The following ENTREP1 variants were observed in gnomAD, a reference collection of about 807,000 sequenced individuals.
ENTREP1 encodes the protein Friedreich ataxia region gene X123.
chr9:69,377,533 C>A, the ENTREP1 span: 1 of 1,608,244 alleles, frequency 6.2e-7, no homozygotes, highest in Non-Finnish European at 8.5e-7. Context: ...CCCATGGACC[C>A]CTTCGTGTCA....
the ENTREP1 span, among the ~76,000 whole-genome samples, chr9:69,340,666 C>CATGTGTGTGTGCATAT: frequency 1.8e-5 from 2 of 108,650 alleles, no homozygotes; most frequent in Non-Finnish European, 3.7e-5. Flanking sequence ...TGTGTGTGTG[C>CATGTGTGTGTGCATAT]GTGTGTGTGT....
At chr9:69,328,467 T>C in the ENTREP1 span, among the ~76,000 whole-genome samples, 1 of 152,146 alleles carries the variant, frequency 6.6e-6, no homozygotes, top group African/African-American at 2.4e-5. Flanking sequence ...CATTTTACCC[T>C]TCACCCAGTA....
the ENTREP1 span, chr9:69,385,986 T>C: frequency 6.4e-7 from 1 of 1,552,360 alleles, no homozygotes; most frequent in African/African-American, 1.4e-5. Flanking sequence ...GGCTGTGTGC[T>C]TATTTGCCTA....
At chr9:69,368,536 T>C in the ENTREP1 span, among the ~76,000 whole-genome samples, 2 of 152,204 alleles carry the variant, frequency 1.3e-5, no homozygotes, top group African/African-American at 4.8e-5. Context: ...TTTGATGTGC[T>C]GTTAGATTCA....
At chr9:69,364,955 T>C in the ENTREP1 span, among the ~76,000 whole-genome samples, 1 of 152,138 alleles carries the variant, frequency 6.6e-6, no homozygotes, top group African/African-American at 2.4e-5. Context: ...AAATGAAGCC[T>C]ACCAGGCAGT....
the ENTREP1 span, chr9:69,375,664 G>T: frequency 3.3e-6 from 4 of 1,211,870 alleles, no homozygotes; most frequent in Non-Finnish European, 2.4e-6. Context: ...TACAGGATTG[G>T]TGCTCCATGG....
At chr9:69,325,163 G>A in the ENTREP1 span, 2 of 1,039,160 alleles carry the variant, frequency 1.9e-6, no homozygotes, top group South Asian at 9.2e-5. Flanking sequence ...GCAGCAAGTG[G>A]TTGGGCCGTG....
the ENTREP1 span, among the ~76,000 whole-genome samples, chr9:69,376,680 G>A: frequency 6.6e-6 from 1 of 152,200 alleles, no homozygotes; most frequent in African/African-American, 2.4e-5. Flanking sequence ...TGTGGGATGT[G>A]GAAATGGCCT....
chr9:69,364,776 A>C, the ENTREP1 span, among the ~76,000 whole-genome samples: 2 of 152,210 alleles, frequency 1.3e-5, no homozygotes, highest in Non-Finnish European at 2.9e-5. Context: ...TTAATAACAT[A>C]ATAGTAAAGT....
At chr9:69,368,984 A>G in the ENTREP1 span, among the ~76,000 whole-genome samples, 1 of 151,754 alleles carries the variant, frequency 6.6e-6, no homozygotes, top group Non-Finnish European at 1.5e-5. Context: ...CCTCCCCAGG[A>G]CCCCACCCTC....
the ENTREP1 span, among the ~76,000 whole-genome samples, chr9:69,367,648 T>TATATATAAATATATATATACACAC: frequency 1.2e-4 from 12 of 96,358 alleles, 1 homozygote; most frequent in South Asian, 4.0e-4. Context: ...TATACACACA[T>TATATATAAATATATATATACACAC]ATATATAAAT....
the ENTREP1 span, chr9:69,329,337 T>A: frequency 1.0e-6 from 1 of 958,810 alleles, no homozygotes; most frequent in Non-Finnish European, 1.2e-6. Flanking sequence ...TTATTTGAAA[T>A]GACTATTTGT....
At chr9:69,363,296 C>T in the ENTREP1 span, among the ~76,000 whole-genome samples, 6 of 152,108 alleles carry the variant, frequency 3.9e-5, no homozygotes, top group African/African-American at 1.4e-4. Flanking sequence ...AATTCAGGAG[C>T]AGTAACCCAT....
the ENTREP1 span, among the ~76,000 whole-genome samples, chr9:69,389,576 T>C: frequency 6.6e-6 from 1 of 152,182 alleles, no homozygotes; most frequent in Admixed American, 6.5e-5. Context: ...TACTAACCTA[T>C]GTAGGGAAAA....
the ENTREP1 span, chr9:69,336,144 T>C: frequency 1.2e-6 from 1 of 803,578 alleles, no homozygotes; most frequent in Non-Finnish European, 2.0e-6. Context: ...AAATATGTAC[T>C]TTTGTGACTG....
At chr9:69,355,888 A>G in the ENTREP1 span, among the ~76,000 whole-genome samples, 1 of 152,222 alleles carries the variant, frequency 6.6e-6, no homozygotes, top group African/African-American at 2.4e-5. Flanking sequence ...GAGTGTTTCA[A>G]GTGAGTAGTG....
At chr9:69,325,389 G>A in the ENTREP1 span, 1 of 1,125,694 alleles carries the variant, frequency 8.9e-7, no homozygotes, top group Non-Finnish European at 1.1e-6. Flanking sequence ...GGGGGCCCGG[G>A]CGCCGCTGCC....
the ENTREP1 span, among the ~76,000 whole-genome samples, chr9:69,348,156 C>T: frequency 6.6e-6 from 1 of 152,090 alleles, no homozygotes; most frequent in Non-Finnish European, 1.5e-5. Flanking sequence ...TCACTGTCAC[C>T]CAGGCTGGAG....
chr9:69,340,765 G>GTGTGTA, the ENTREP1 span, among the ~76,000 whole-genome samples: 10,746 of 121,920 alleles, frequency 0.088, 802 homozygotes, highest in African/African-American at 0.16. Flanking sequence ...GTGCGTGCAT[G>GTGTGTA]TGTGTGTGTG....
Sources: allele counts gnomAD v4.1 joint callset (sites outside exome capture counted in the v4.1 genomes callset), GRCh38; gene constraint gnomAD v4.1.1; transcripts MANE v1.5; gene names NCBI Gene and HGNC (gene_info 2026-07-23, HGNC 2026-07-21).